The following AFF2 variants were observed in gnomAD, a reference collection of about 807,000 sequenced individuals.
The protein encoded by AFF2 is AF4/FMR2 family member 2.
Under a neutral mutation model 76.9 loss-of-function variants are expected in AFF2, and 14 were observed. That is an observed-to-expected ratio of 0.18 (90% confidence interval 0.12 to 0.28). The LOEUF (loss-of-function observed/expected upper bound fraction) is 0.28. Among genes scored for constraint, AFF2 ranks in the 10% least tolerant of loss-of-function variants. AFF2 has a pLI of 1.00. For missense variants in AFF2, 868 were observed against 1,001.1 expected (o/e 0.87, Z 1.79); for synonymous variants, 398 against 366.7 (o/e 1.09, Z -0.98).
intron 3 of AFF2, among the ~76,000 whole-genome samples, chrX:148,778,967 C>T (rs955103818): frequency 1.8e-5 from 2 of 111,342 alleles, no homozygotes; most frequent in Admixed American, 9.6e-5. Flanking sequence ...CTCACTTTCT[C>T]CTGTGGGCAT....
At chrX:148,576,783 G>A (rs992915183) in intron 1 of AFF2, among the ~76,000 whole-genome samples, 3 of 69,511 alleles carry the variant, frequency 4.3e-5, no homozygotes, top group Non-Finnish European at 7.4e-5. Context: ...GGTTTGGGGT[G>A]TGTGTGTGTA....
intron 3 of AFF2, among the ~76,000 whole-genome samples, chrX:148,791,509 C>T (rs553348531): frequency 1.4e-4 from 16 of 112,364 alleles, no homozygotes; most frequent in South Asian, 1.1e-3. Flanking sequence ...GGCACACAGC[C>T]AAACCATATC....
intron 1 of AFF2, among the ~76,000 whole-genome samples, chrX:148,506,351 T>C (rs1292460236): frequency 1.8e-5 from 2 of 111,904 alleles, no homozygotes; most frequent in Non-Finnish European, 3.8e-5. Context: ...GGCAAATTCA[T>C]TCATTTTTTG....
At chrX:148,610,408 G>A (rs188964963) in intron 1 of AFF2, among the ~76,000 whole-genome samples, 2 of 111,602 alleles carry the variant, frequency 1.8e-5, no homozygotes, top group Admixed American at 9.5e-5. Flanking sequence ...TGATATCTAT[G>A]TTTTTGTGCA....
intron 1 of AFF2, among the ~76,000 whole-genome samples, chrX:148,616,149 G>T (rs1244662425): frequency 9.0e-6 from 1 of 111,275 alleles, no homozygotes; most frequent in Non-Finnish European, 1.9e-5. Flanking sequence ...GAGGGGGTGG[G>T]ATCATCATGT....
In AFF2 at chrX:148,837,733, G is replaced by A. The variant is rs929635504; in HGVS notation, c.1173G>A (p.Gln391=). ...AGAGCACCTTTTCCATCCCAGGACA[G>A]GTCAGTTCTCTTCCTTCCTGCATTT... ...SEQSTFSIPG[Q]ESQHLTPGFT... Residue 391 remains glutamine (Q), a splice_region_variant and synonymous_variant, in exon 5 of 21, where the codon CAG becomes CAA. Coordinates refer to ENST00000370460, the MANE Select transcript of AFF2 (RefSeq NM_002025.4). 6.0e-6 allele frequency: 7 copies of A among 1,158,012 alleles called. No homozygotes were observed. The highest frequency in any genetic ancestry group is 2.4e-4 in the Middle Eastern group (1 of 4,226).
intron 7 of AFF2, among the ~76,000 whole-genome samples, chrX:148,845,832 A>G (rs1455917067): frequency 9.0e-6 from 1 of 111,619 alleles, no homozygotes. Context: ...CAAGGCCAGA[A>G]AGTGTCCCAA....
intron 9 of AFF2, among the ~76,000 whole-genome samples, chrX:148,934,030 G>T (rs906979998): frequency 8.9e-6 from 1 of 111,798 alleles, no homozygotes; most frequent in Non-Finnish European, 1.9e-5. Context: ...AGAAATCCAG[G>T]TATGAGATCA....
In AFF2 at chrX:148,500,761, G is replaced by A. The variant is rs1305018662; in HGVS notation, c.-337G>A. ...CCGCCGCTGCCGCCGCCGGCCCGCA[G>A]CCAGCCAGGCGGGCGGCCCAGCCCG... On this transcript the variant is annotated 5_prime_UTR_variant, in exon 1 of 21. Transcript: ENST00000370460. The A allele has an allele frequency of 3.0e-5, 3 of 98,999 alleles. No individual in the cohort carries two copies. Among genetic ancestry groups the A allele is most frequent in the African/African-American group, 1.1e-4 (3 of 27,482 alleles). 8.2% of individuals were successfully genotyped at this position (98,999 alleles called of 1,213,427 possible).
At chrX:148,957,652 A>AAT (rs1329962045) in intron 11 of AFF2, among the ~76,000 whole-genome samples, 6 of 112,463 alleles carry the variant, frequency 5.3e-5, no homozygotes, top group Non-Finnish European at 9.4e-5. Flanking sequence ...TGGTAAGTTT[A>AAT]ATGCAAATAT....
intron 17 of AFF2, 107 bp from the exon 18 acceptor site, chrX:148,978,255 C>A (rs1305541705): frequency 5.1e-6 from 3 of 586,641 alleles, no homozygotes; most frequent in Non-Finnish European, 8.3e-6. Flanking sequence ...GTTTCTCAAT[C>A]TAACCATAGG....
intron 3 of AFF2, among the ~76,000 whole-genome samples, chrX:148,801,371 A>G (rs1310352588): frequency 2.7e-5 from 3 of 111,805 alleles, no homozygotes; most frequent in Non-Finnish European, 5.6e-5. Flanking sequence ...TTCGAAGACA[A>G]CTATTCCAAC....
At chrX:148,715,999 T>TTC (rs200459419) in intron 3 of AFF2, among the ~76,000 whole-genome samples, 1 of 110,412 alleles carries the variant, frequency 9.1e-6, no homozygotes, top group African/African-American at 3.3e-5. Flanking sequence ...AAAGCATCAT[T>TTC]TCTCTCTCTC....
intron 1 of AFF2, among the ~76,000 whole-genome samples, chrX:148,632,948 C>T (rs1557253230): frequency 8.9e-6 from 1 of 111,752 alleles, no homozygotes; most frequent in Non-Finnish European, 1.9e-5. Context: ...TGAATAGAAA[C>T]TCACATGTGG....
At chrX:148,918,519 G>C (rs2071557037) in intron 9 of AFF2, among the ~76,000 whole-genome samples, 2 of 111,781 alleles carry the variant, frequency 1.8e-5, no homozygotes, top group Non-Finnish European at 3.8e-5. Context: ...CTGTTAGTTG[G>C]CTTTTTTAAT....
chrX:148,725,096 G>A (rs192986873), intron 3 of AFF2, among the ~76,000 whole-genome samples: 9 of 111,121 alleles, frequency 8.1e-5, no homozygotes, highest in African/African-American at 2.6e-4. Flanking sequence ...GGTGGCATTT[G>A]ACTCTTACAG....
At chrX:148,548,826 TG>T (rs1557238506) in intron 1 of AFF2, among the ~76,000 whole-genome samples, 1 of 112,503 alleles carries the variant, frequency 8.9e-6, no homozygotes, top group Non-Finnish European at 1.9e-5. Flanking sequence ...AAATGGATTC[TG>T]AACAATTGGC....
chrX:148,931,844 T>C (rs2071717280), intron 9 of AFF2, among the ~76,000 whole-genome samples: 1 of 112,344 alleles, frequency 8.9e-6, no homozygotes, highest in Non-Finnish European at 1.9e-5. Context: ...TGTTCGGTCT[T>C]AAATCCAACA....
intron 5 of AFF2, among the ~76,000 whole-genome samples, chrX:148,838,612 G>T (rs2070558596): frequency 8.9e-6 from 1 of 111,761 alleles, no homozygotes; most frequent in Non-Finnish European, 1.9e-5. Flanking sequence ...CATAAGACTA[G>T]TGTGAGCAAG....
Sources: allele counts gnomAD v4.1 joint callset (sites outside exome capture counted in the v4.1 genomes callset), GRCh38; gene constraint gnomAD v4.1.1; transcripts MANE v1.5; gene names NCBI Gene and HGNC (gene_info 2026-07-23, HGNC 2026-07-21).